The following BRINP3 variants were observed in gnomAD, a reference collection of about 807,000 sequenced individuals.
BRINP3 encodes the protein BMP/retinoic acid inducible neural specific 3, also known as BMP/retinoic acid-inducible neural-specific protein 3.
A neutral mutation model predicts 71.0 loss-of-function variants in BRINP3; 19 were observed. The observed-to-expected ratio is 0.27, with a 90% CI of 0.19 to 0.39. The LOEUF is 0.39. Ranked by LOEUF, BRINP3 falls within the 10% of genes least tolerant of loss-of-function variation. The pLI, the probability that BRINP3 is intolerant of heterozygous loss-of-function variation, is 1.00. For missense variants in BRINP3, 959 were observed against 940.8 expected (o/e 1.02, Z -0.25); for synonymous variants, 380 against 337.7 (o/e 1.13, Z -1.37).
chr1:190,178,804 A>G (rs2102527242), intron 6 of BRINP3, among the ~76,000 whole-genome samples: 1 of 152,294 alleles, frequency 6.6e-6, no homozygotes, highest in East Asian at 1.9e-4. Context: ...GTTAAATGAT[A>G]AAACAATATC....
At chr1:190,429,931 G>A (rs1241689562) in intron 2 of BRINP3, among the ~76,000 whole-genome samples, 1 of 152,090 alleles carries the variant, frequency 6.6e-6, no homozygotes, top group Non-Finnish European at 1.5e-5. Context: ...AAAGGGTTAT[G>A]TTACTAGTAT....
chr1:190,148,588 T>C (rs115786377), intron 7 of BRINP3, among the ~76,000 whole-genome samples: 1,518 of 145,494 alleles, frequency 0.01, 16 homozygotes, highest in African/African-American at 0.035. Context: ...GAGTTGAGAC[T>C]CTGTCACAAA....
intron 6 of BRINP3, among the ~76,000 whole-genome samples, chr1:190,206,800 G>A (rs1189475499): frequency 6.6e-6 from 1 of 151,932 alleles, no homozygotes; most frequent in Admixed American, 6.6e-5. Flanking sequence ...TCATTTCTAA[G>A]ATATTTATTT....
intron 2 of BRINP3, among the ~76,000 whole-genome samples, chr1:190,449,386 G>C (rs964292166): frequency 1.3e-5 from 2 of 151,826 alleles, no homozygotes; most frequent in Non-Finnish European, 2.9e-5. Flanking sequence ...TGTATATCAG[G>C]GAAAGGGATC....
chr1:190,466,323 C>T (rs1005859053), intron 1 of BRINP3, among the ~76,000 whole-genome samples: 2 of 151,722 alleles, frequency 1.3e-5, no homozygotes, highest in African/African-American at 2.4e-5. Context: ...TCTGTAATTG[C>T]TCCCAGGCTT....
At chr1:190,211,187 C>T (rs887978382) in intron 6 of BRINP3, among the ~76,000 whole-genome samples, 16 of 152,010 alleles carry the variant, frequency 1.1e-4, no homozygotes, top group African/African-American at 3.9e-4. Flanking sequence ...AAAAAACTGC[C>T]TTTAAGAGGT....
chr1:190,126,202 A>G (rs1210946543), intron 7 of BRINP3, among the ~76,000 whole-genome samples: 1 of 152,030 alleles, frequency 6.6e-6, no homozygotes, highest in Admixed American at 6.6e-5. Context: ...GCTGATAAAA[A>G]TTCTTCCAAC....
At chr1:190,327,133 T>C (rs1223978416) in intron 2 of BRINP3, among the ~76,000 whole-genome samples, 1 of 150,810 alleles carries the variant, frequency 6.6e-6, no homozygotes, top group Non-Finnish European at 1.5e-5. Flanking sequence ...TTGGCCAATA[T>C]GGAGAAGCCC....
chr1:190,108,649 C>A (rs1652402096), intron 7 of BRINP3, among the ~76,000 whole-genome samples: 1 of 149,012 alleles, frequency 6.7e-6, no homozygotes, highest in South Asian at 2.2e-4. Flanking sequence ...CCAGATGAGA[C>A]TACAAACAAT....
intron 6 of BRINP3, among the ~76,000 whole-genome samples, chr1:190,208,608 C>G (rs1655720362): frequency 6.6e-6 from 1 of 152,048 alleles, no homozygotes; most frequent in Non-Finnish European, 1.5e-5. Flanking sequence ...GTTTCTTGAT[C>G]CTCAGCTTCC....
chr1:190,118,016 G>A (rs144733128), intron 7 of BRINP3, among the ~76,000 whole-genome samples: 1 of 151,924 alleles, frequency 6.6e-6, no homozygotes. Flanking sequence ...TGTCACCAAA[G>A]GTTTGGTTAG....
chr1:190,306,964 A>G (rs1190573810), intron 2 of BRINP3, among the ~76,000 whole-genome samples: 1 of 151,964 alleles, frequency 6.6e-6, no homozygotes, highest in East Asian at 1.9e-4. Flanking sequence ...AATTGACACT[A>G]CTAGTTTCTC....
intron 2 of BRINP3, among the ~76,000 whole-genome samples, chr1:190,393,863 T>G (rs1333233959): frequency 6.6e-6 from 1 of 151,506 alleles, no homozygotes; most frequent in Non-Finnish European, 1.5e-5. Context: ...TTAAAAAGTG[T>G]TTTAATGTAT....
At chr1:190,190,611 T>C (rs1653950547) in intron 6 of BRINP3, among the ~76,000 whole-genome samples, 1 of 152,092 alleles carries the variant, frequency 6.6e-6, no homozygotes, top group Non-Finnish European at 1.5e-5. Flanking sequence ...TACATATTTC[T>C]ACTGTAGAGC....
At chr1:190,243,554 A>G (rs1390359573) in intron 4 of BRINP3, among the ~76,000 whole-genome samples, 1 of 152,112 alleles carries the variant, frequency 6.6e-6, no homozygotes, top group Non-Finnish European at 1.5e-5. Flanking sequence ...ATATGTTGTT[A>G]CTCTAGCTGG....
chr1:190,287,613 T>A (rs1214212482), intron 2 of BRINP3, among the ~76,000 whole-genome samples: 2 of 152,168 alleles, frequency 1.3e-5, no homozygotes, highest in African/African-American at 2.4e-5. Context: ...TAAGCACTGA[T>A]TAATGACTGT....
rs750600132 is a variant in BRINP3, at chr1:190,264,871, G to A, written c.612C>T (p.Ala204=). The change falls in exon 4 of 8, where the codon GCC becomes GCT. Residue 204 remains alanine (A), a synonymous_variant. Transcript: ENST00000367462. Reference sequence around the variant, plus strand: ...AGCGTAAACTCATTCTTACCTTTATGGCAGTGGATGCAATTTGAATGTGGT... The same window carrying A: ...AGCGTAAACTCATTCTTACCTTTATAGCAGTGGATGCAATTTGAATGTGGT... ...RLHHIQIAST[A]IKVTETRTGP... is the part of the protein sequence containing the mutation. 4 of 1,612,952 alleles carry A rather than the reference G, an allele frequency of 2.5e-6. No individual in the cohort carries two copies. In the Admixed American group the frequency reaches 5.0e-5, roughly 20 times the overall value.
At chr1:190,415,879 G>C (rs1325056666) in intron 2 of BRINP3, among the ~76,000 whole-genome samples, 1 of 152,188 alleles carries the variant, frequency 6.6e-6, no homozygotes, top group Non-Finnish European at 1.5e-5. Flanking sequence ...TGTCCGCCAA[G>C]CTGGGTGACA....
At chr1:190,337,814 C>T (rs1020248952) in intron 2 of BRINP3, among the ~76,000 whole-genome samples, 1 of 151,952 alleles carries the variant, frequency 6.6e-6, no homozygotes, top group Non-Finnish European at 1.5e-5. Flanking sequence ...TCTAGAGAAC[C>T]CTGACTAATA....
Sources: allele counts gnomAD v4.1 joint callset (sites outside exome capture counted in the v4.1 genomes callset), GRCh38; gene constraint gnomAD v4.1.1; transcripts MANE v1.5; gene names NCBI Gene and HGNC (gene_info 2026-07-23, HGNC 2026-07-21).